Variants in PPP3CA observed in about 807,000 individuals in gnomAD.
PPP3CA encodes CAM-PRP catalytic subunit.
A neutral mutation model predicts 66.5 loss-of-function variants in PPP3CA; 14 were observed. The ratio of observed to expected loss-of-function variants is 0.21; its 90% CI spans 0.14 to 0.33. The LOEUF (loss-of-function observed/expected upper bound fraction) is 0.33. Among genes scored for constraint, PPP3CA ranks in the 10% least tolerant of loss-of-function variants. PPP3CA has a pLI of 1.00. For missense variants in PPP3CA, 317 were observed against 639.5 expected (o/e 0.50, Z 5.44); for synonymous variants, 232 against 226.2 (o/e 1.03, Z -0.23).
chr4:101,152,458 G>T (rs1012449166), intron 2 of PPP3CA, among the ~76,000 whole-genome samples: 1 of 152,156 alleles, frequency 6.6e-6, no homozygotes, highest in Non-Finnish European at 1.5e-5. Flanking sequence ...CTGTCCAAAT[G>T]ATCACATTCT....
chr4:101,219,741 G>C (rs1725565645), intron 1 of PPP3CA, among the ~76,000 whole-genome samples: 1 of 151,666 alleles, frequency 6.6e-6, no homozygotes, highest in Non-Finnish European at 1.5e-5. Context: ...TCTTGGGAGA[G>C]GCTGGTTGAC....
At chr4:101,038,727 G>C (rs1202762906) in intron 11 of PPP3CA, among the ~76,000 whole-genome samples, 1 of 152,116 alleles carries the variant, frequency 6.6e-6, no homozygotes, top group Non-Finnish European at 1.5e-5. Context: ...TTGGTATCTA[G>C]ATTGCCTAAT....
rs1728199908 is a variant in PPP3CA at position 101,296,366 on chromosome 4, G to A, written c.58+50373C>T. On this transcript the variant is annotated intron_variant, in intron 1 of 13. Transcript: ENST00000394854. ...GTATTTTGTATGTGAAAAATTTTCA[G>A]ATTATTCATCTAGAGTCTACCACAG... Among the ~76,000 whole-genome samples, 4 of 152,006 alleles carry A rather than the reference G, an allele frequency of 2.6e-5. No individual in the cohort carries two copies. The South Asian group carries it at 8.3e-4, about 32-fold the overall frequency.
intron 9 of PPP3CA, among the ~76,000 whole-genome samples, chr4:101,061,735 A>G (rs2110225479): frequency 6.6e-6 from 1 of 152,232 alleles, no homozygotes; most frequent in South Asian, 2.1e-4. Context: ...TAAAAAATTA[A>G]ACAGTTGCAG....
intron 2 of PPP3CA, among the ~76,000 whole-genome samples, chr4:101,111,865 A>C (rs539350649): frequency 6.6e-5 from 10 of 152,324 alleles, no homozygotes; most frequent in Non-Finnish European, 1.0e-4. Context: ...ATGGCATTTC[A>C]AAATGGCTGT....
chr4:101,291,451 C>T (rs1282320274), intron 1 of PPP3CA, among the ~76,000 whole-genome samples: 2 of 150,358 alleles, frequency 1.3e-5, no homozygotes, highest in Non-Finnish European at 2.9e-5. Flanking sequence ...GGAGTACTTC[C>T]TCTGCCCTCC....
At chr4:101,160,160 G>A (rs1478488962) in intron 2 of PPP3CA, among the ~76,000 whole-genome samples, 3 of 152,090 alleles carry the variant, frequency 2.0e-5, no homozygotes. Context: ...TGAACTGCAT[G>A]TGCCATACAA....
chr4:101,025,924 G>C lies in PPP3CA; in HGVS notation c.1507C>G (p.Leu503Val). 2 of 1,610,156 alleles carry C rather than the reference G, an allele frequency of 1.2e-6. No individual in the cohort carries two copies. Among genetic ancestry groups the C allele is most frequent in the Non-Finnish European group, 1.7e-6 (2 of 1,177,916 alleles). The stretch of plus-strand genomic sequence containing the variant: ...TCCGTGCCGTTAGTCTCTGAGGTGA[G>C]AGCCTTGTTGATGGAGTTAAGGTTG... Reference protein sequence around the residue: ...DANLNSINKALTSETNGTDSN... With the variant: ...DANLNSINKAVTSETNGTDSN... The change falls in exon 14 of 14, where the codon CTC (leucine) becomes GTC (valine). Residue 503 changes from leucine to valine, a missense_variant. Physicochemically the swap from Leu to Val is conservative, Grantham distance 32. Coordinates refer to ENST00000394854, the MANE Select transcript of PPP3CA (RefSeq NM_000944.5).
intron 7 of PPP3CA, among the ~76,000 whole-genome samples, chr4:101,081,126 A>G (rs867401479): frequency 3.9e-5 from 6 of 152,146 alleles, no homozygotes; most frequent in African/African-American, 1.4e-4. Flanking sequence ...TTTAAGAAGA[A>G]TGTCCCCTTA....
intron 2 of PPP3CA, among the ~76,000 whole-genome samples, chr4:101,114,131 C>T (rs1353356082): frequency 1.3e-5 from 2 of 152,006 alleles, no homozygotes; most frequent in African/African-American, 4.8e-5. Flanking sequence ...CATAGATGCA[C>T]AATACAAGTA....
chr4:101,156,049 G>C (rs1723308899), intron 2 of PPP3CA, among the ~76,000 whole-genome samples: 1 of 152,310 alleles, frequency 6.6e-6, no homozygotes, highest in South Asian at 2.1e-4. Context: ...GTAAAAGTCA[G>C]AGTGGGGTTT....
In PPP3CA at chr4:101,099,439, T is replaced by C. The variant is rs559218963; in HGVS notation, c.496+172A>G. Among the ~76,000 whole-genome samples, 3 of 152,248 alleles carry C rather than the reference T, an allele frequency of 2.0e-5. No individual in the cohort carries two copies. In the East Asian group the frequency reaches 5.8e-4, roughly 29 times the overall value. On this transcript the variant is annotated intron_variant, in intron 4 of 13. Transcript: ENST00000394854. ...AAGAAGTTCTAATTTAAAAAGAAAT[T>C]CTGAATTCTCATAAATGTCCATGCT...
intron 6 of PPP3CA, among the ~76,000 whole-genome samples, chr4:101,089,734 C>T (rs1729829962): frequency 6.6e-6 from 1 of 152,170 alleles, no homozygotes; most frequent in Non-Finnish European, 1.5e-5. Context: ...AGTATCTCAA[C>T]TATCTGCCTG....
chr4:101,274,195 T>C (rs1727419659), intron 1 of PPP3CA, among the ~76,000 whole-genome samples: 1 of 152,128 alleles, frequency 6.6e-6, no homozygotes, highest in Non-Finnish European at 1.5e-5. Flanking sequence ...TCCCAGCTAT[T>C]TGGGAGGCTG....
chr4:101,240,822 A>G (rs931560390), intron 1 of PPP3CA: 8 of 152,276 alleles, frequency 5.3e-5, no homozygotes, highest in African/African-American at 1.4e-4. Flanking sequence ...AAAAGATCAC[A>G]TTGTAACATG....
chr4:101,062,341 G>C (rs890396839), intron 9 of PPP3CA, among the ~76,000 whole-genome samples: 3 of 151,924 alleles, frequency 2.0e-5, no homozygotes, highest in African/African-American at 7.3e-5. Flanking sequence ...CTCATAACTT[G>C]ACTGGTTTAA....
intron 2 of PPP3CA, among the ~76,000 whole-genome samples, chr4:101,134,176 G>C (rs929002507): frequency 6.7e-6 from 1 of 149,266 alleles, no homozygotes; most frequent in Non-Finnish European, 1.5e-5. Flanking sequence ...CATTCAGGAC[G>C]TCGGCAAAGA....
At chr4:101,287,059 A>G (rs2110284455) in intron 1 of PPP3CA, among the ~76,000 whole-genome samples, 1 of 152,250 alleles carries the variant, frequency 6.6e-6, no homozygotes, top group African/African-American at 2.4e-5. Context: ...TGTAATATTA[A>G]TATACCTTTT....
At chr4:101,042,346 C>CT (rs1339690872) in intron 10 of PPP3CA, among the ~76,000 whole-genome samples, 1 of 152,056 alleles carries the variant, frequency 6.6e-6, no homozygotes, top group Non-Finnish European at 1.5e-5. Flanking sequence ...TTCCTCCCAC[C>CT]TTCCCTCTGC....
Sources: allele counts gnomAD v4.1 joint callset (sites outside exome capture counted in the v4.1 genomes callset), GRCh38; gene constraint gnomAD v4.1.1; transcripts MANE v1.5; gene names NCBI Gene and HGNC (gene_info 2026-07-23, HGNC 2026-07-21).